HELZ: variants seen among roughly 807,000 people sequenced by gnomAD.
The protein encoded by HELZ is ATP-dependent RNA helicase with zinc finger domain.
HELZ carries 23 observed loss-of-function variants against 218.2 expected under a neutral mutation model. The ratio of observed to expected loss-of-function variants is 0.11; its 90% CI spans 0.08 to 0.15. HELZ has a LOEUF of 0.15. HELZ is among the 10% of genes least tolerant of loss of function. HELZ has a pLI of 1.00. For missense variants in HELZ, 1,813 were observed against 2,353.7 expected, an observed-to-expected ratio of 0.77 and a Z score of 4.75; for synonymous variants, 814 against 829.4, an observed-to-expected ratio of 0.98 and a Z score of 0.32.
Position 67,151,161 on chromosome 17 carries a change from G to C in HELZ, c.2241C>G (p.Ile747Met), listed in dbSNP as rs769933654. The change falls in exon 18 of 33, where the codon ATC (isoleucine) becomes ATG (methionine). Residue 747 changes from isoleucine (I) to methionine (M), a missense_variant. Ile to Met is a conservative substitution (Grantham distance 10). Around this residue, in one of 4 missense-constraint regions of HELZ, gnomAD observed 714 missense variants for 1,029.2 expected, o/e 0.69. Coordinates refer to ENST00000358691, the MANE Select transcript of HELZ (RefSeq NM_014877.4). Reference protein sequence around the residue: ...VHPVVHQYCLISSAHSTFQMP... With the variant: ...VHPVVHQYCLMSSAHSTFQMP... ...TCTGAAAGGTGGAATGTGCGCTTGA[G>C]ATCAAACAGTACTGATGCACAACTG... 3 of 1,613,908 alleles carry C rather than the reference G, an allele frequency of 1.9e-6. No individual in the cohort carries two copies. In the Admixed American group the frequency reaches 5.0e-5, roughly 27 times the overall value.
chr17:67,224,644 A>C, intron 3 of HELZ: 1 of 607,982 alleles, frequency 1.6e-6, no homozygotes, highest in South Asian at 1.6e-5. Flanking sequence ...AGCATGGGAG[A>C]CAAATGGCTT....
At chr17:67,224,675 T>G in intron 3 of HELZ, 1 of 717,462 alleles carries the variant, frequency 1.4e-6, no homozygotes, top group South Asian at 1.4e-5. Context: ...ATGATTCTTC[T>G]GTGTCTTAAA....
At chr17:67,222,402 A>G (rs1476834494) in intron 3 of HELZ, among the ~76,000 whole-genome samples, 1 of 152,222 alleles carries the variant, frequency 6.6e-6, no homozygotes, top group Non-Finnish European at 1.5e-5. Context: ...ATTCCCAAAC[A>G]TATTAGCCAG....
At chr17:67,211,796 G>A (rs1329861823) in intron 5 of HELZ, among the ~76,000 whole-genome samples, 1 of 152,116 alleles carries the variant, frequency 6.6e-6, no homozygotes, top group Non-Finnish European at 1.5e-5. Context: ...GTAAGGCAGA[G>A]GTTGCAGTGA....
At chr17:67,101,981 T>C (rs1017721604) in intron 31 of HELZ, among the ~76,000 whole-genome samples, 2 of 152,136 alleles carry the variant, frequency 1.3e-5, no homozygotes, top group East Asian at 3.9e-4. Context: ...CCTCATCCCA[T>C]CACACCTGTA....
chr17:67,128,678 G>C lies in HELZ; in HGVS notation c.3360C>G (p.Thr1120=). The C allele has an allele frequency of 6.2e-7, 1 of 1,614,046 alleles. No individual in the cohort carries two copies. Among genetic ancestry groups the C allele is most frequent in the South Asian group, 1.1e-5 (1 of 91,082 alleles). The part of the protein sequence containing the change: ...RALRLQHSGS[T]NKQQQSPPKG... Reference sequence around the variant, plus strand: ...TGGGTGGTGATTGCTGCTGTTTGTTGGTACTTCCTGAATGCTGCAGTCTTA... The same window carrying C: ...TGGGTGGTGATTGCTGCTGTTTGTTCGTACTTCCTGAATGCTGCAGTCTTA... The change falls in exon 24 of 33, where the codon ACC becomes ACG. Residue 1120 remains threonine (T), a synonymous_variant. Transcript: ENST00000358691.
intron 3 of HELZ, among the ~76,000 whole-genome samples, chr17:67,237,923 G>A (rs925763312): frequency 2.6e-4 from 39 of 151,412 alleles, no homozygotes; most frequent in Admixed American, 6.6e-4. Context: ...AAGAGGCAGA[G>A]GTTACAGTGA....
rs892997940 is a variant in HELZ at position 67,215,927 on chromosome 17, A to G, written c.219T>C (p.Tyr73=). The change falls in exon 5 of 33, where the codon TAT becomes TAC. Residue 73 remains tyrosine, a synonymous_variant. Transcript: ENST00000358691. ...RIASFLQLKN[Y]VQADEDCRHV... is the part of the protein sequence containing the mutation. ...GTCTACAATCTTCATCAGCTTGCAC[A>G]TAATTTTTCTGCAAAACAAAAATAC... 4.5e-6 allele frequency: 7 copies of G among 1,543,244 alleles called. No homozygotes were observed. Among genetic ancestry groups the G allele is most frequent in the Middle Eastern group, 1.7e-4 (1 of 5,920 alleles).
In HELZ at chr17:67,074,845, T is replaced by A. The variant is rs894028746; in HGVS notation, c.*3407A>T. 2 of 151,672 alleles carry A rather than the reference T, an allele frequency of 1.3e-5. No individual in the cohort carries two copies. Among genetic ancestry groups the A allele is most frequent in the South Asian group, 4.2e-4 (2 of 4,812 alleles). 9.4% of individuals were successfully genotyped at this position (151,672 alleles called of 1,614,324 possible). On this transcript the variant is annotated 3_prime_UTR_variant, in exon 33 of 33. Transcript: ENST00000358691. ...GTTTACATTAAACCTAAACTTATTC[T>A]AAAATCTGATGATTTAAAAAAAAAA... is the stretch of plus-strand genomic sequence containing the variant.
chr17:67,166,326 A>AT (rs2039142358), intron 15 of HELZ, 152 bp downstream of exon 15: 1 of 533,678 alleles, frequency 1.9e-6, no homozygotes, highest in Admixed American at 3.3e-5. Context: ...CAAATGTTTC[A>AT]TTTTAAGTGT....
Position 67,166,525 on chromosome 17 carries a change from C to A in HELZ, c.1848G>T (p.Leu616Phe). 6.2e-7 allele frequency: 1 copy of A among 1,613,410 alleles called. No individual in the cohort carries two copies. The highest frequency in any genetic ancestry group is 1.3e-5 in the African/African-American group (1 of 74,992). Residue 616 changes from leucine to phenylalanine, a missense_variant, in exon 15 of 33, where the codon TTG becomes TTT. By Grantham distance (22) the Leu-to-Phe change is conservative. This residue lies in a region of HELZ where 714 missense variants were observed against 1,029.2 expected (regional missense o/e 0.69). Transcript: ENST00000358691. ...ALDRIKDNGV[L>F]FPDISMTPTI... ...TGGGAGTCATACTGATGTCTGGAAA[C>A]AAAACCCCATTGTCCTTGATCCTGT...
intron 32 of HELZ, 102 bp from the exon 33 acceptor site, chr17:67,078,688 T>A: frequency 1.3e-6 from 1 of 766,422 alleles, no homozygotes; most frequent in Non-Finnish European, 1.9e-6. Context: ...CTCCAGGAAC[T>A]CAAGGACAGT....
rs144371555 is a variant in HELZ at position 67,087,019 on chromosome 17, T to C, written c.5304A>G (p.Gln1768=). The C allele has an allele frequency of 1.0e-3, 1,670 of 1,614,054 alleles. 4 individuals are homozygous for C. Among genetic ancestry groups the C allele is most frequent in the Non-Finnish European group, 1.4e-3 (1,597 of 1,179,966 alleles). The change falls in exon 32 of 33, where the codon CAA becomes CAG. Residue 1768 remains glutamine, a synonymous_variant. Transcript: ENST00000358691. ...YQRRISSSSV[Q]PCSEEVSTPQ... ...GAGTGCTTACTTCTTCAGAACAAGG[T>C]TGAACTGAGCTAGATGAGATTCTTC...
rs149141712 is a variant in HELZ, at chr17:67,084,813, T to A, written c.5494+2016A>T. On this transcript the variant is annotated intron_variant, in intron 32 of 32. Coordinates refer to ENST00000358691, the MANE Select transcript of HELZ (RefSeq NM_014877.4). ...GGAAATTCAAATATGATAACATGAGTGAGTGTATTTATCCTAGACCCTGAA... is the reference window on the plus strand; with the variant it reads ...GGAAATTCAAATATGATAACATGAGAGAGTGTATTTATCCTAGACCCTGAA... Among the ~76,000 whole-genome samples, 258 of 152,076 alleles carry A rather than the reference T, an allele frequency of 1.7e-3. 1 individual carries two copies. Among genetic ancestry groups the A allele is most frequent in the African/African-American group, 5.9e-3 (245 of 41,484 alleles).
At chr17:67,150,070 G>T in intron 18 of HELZ, 85 bp from the exon 19 acceptor site, 1 of 610,770 alleles carries the variant, frequency 1.6e-6, no homozygotes, top group Non-Finnish European at 2.8e-6. Context: ...TTTCTGCTAA[G>T]TAAAGAGTTT....
chr17:67,091,103 G>A (rs1567791801), intron 31 of HELZ, among the ~76,000 whole-genome samples: 1 of 151,888 alleles, frequency 6.6e-6, no homozygotes, highest in Non-Finnish European at 1.5e-5. Flanking sequence ...AATTAGGACA[G>A]GCTATATTTC....
chr17:67,083,181 T>C (rs1297875237), intron 32 of HELZ, among the ~76,000 whole-genome samples: 4 of 152,142 alleles, frequency 2.6e-5, no homozygotes, highest in Non-Finnish European at 5.9e-5. Flanking sequence ...TTTAATTAAA[T>C]AAATACTTAG....
chr17:67,205,297 G>C (rs2040267022), intron 5 of HELZ, among the ~76,000 whole-genome samples: 1 of 151,590 alleles, frequency 6.6e-6, no homozygotes, highest in Non-Finnish European at 1.5e-5. Context: ...CTGCACTCCA[G>C]CCTGGGGGAC....
intron 12 of HELZ, among the ~76,000 whole-genome samples, chr17:67,184,797 C>G (rs923622339): frequency 9.9e-5 from 15 of 151,562 alleles, no homozygotes; most frequent in Admixed American, 9.2e-4. Context: ...GCCTGGGCAA[C>G]AGAGCAAGAC....
Sources: allele counts gnomAD v4.1 joint callset (sites outside exome capture counted in the v4.1 genomes callset), GRCh38; gene constraint gnomAD v4.1.1; regional missense constraint gnomAD v4.1.1; transcripts MANE v1.5; gene names NCBI Gene and HGNC (gene_info 2026-07-23, HGNC 2026-07-21).